The following USP40 variants were observed in gnomAD, a reference collection of about 807,000 sequenced individuals.
USP40 encodes ubiquitin specific peptidase 40.
USP40 carries 143 observed loss-of-function variants against 166.2 expected under a neutral mutation model. The observed-to-expected ratio is 0.86, with a 90% CI of 0.75 to 0.99. The LOEUF is 0.99. Ranked by LOEUF, USP40 falls within the 50% of genes least tolerant of loss-of-function variation. The probability of loss-of-function intolerance (pLI) is 0.00; values close to 1 mark genes in which losing one functional copy is unlikely to be tolerated. For missense variants in USP40, 1,444 were observed against 1,479.7 expected, an observed-to-expected ratio of 0.98 and a Z score of 0.40; for synonymous variants, 498 against 524.0, an observed-to-expected ratio of 0.95 and a Z score of 0.68.
At position 233,480,653 on chromosome 2, in the gene USP40, C is replaced by A. The variant is rs1353282737; in HGVS notation, c.3599+550G>T. 6.6e-6 allele frequency among the ~76,000 whole-genome samples: 1 copy of A among 152,188 alleles called. No homozygotes were observed. The highest frequency in any genetic ancestry group is 1.5e-5 in the Non-Finnish European group (1 of 68,038). ...GGGAGGAGGGAGAGAGGCAAGGAGT[C>A]CTGAGCAGAGGTAGAAGATGGCCTG... On this transcript the variant is annotated intron_variant, in intron 31 of 31. Transcript: ENST00000678225. This position sits in a 1 kb window ranked among gnomAD's most constrained non-coding sequence, Gnocchi z 4.5.
At chr2:233,528,322 C>A (rs535048850) in intron 12 of USP40, among the ~76,000 whole-genome samples, 5 of 152,298 alleles carry the variant, frequency 3.3e-5, no homozygotes, top group South Asian at 2.1e-4. Context: ...CCCGAGACCA[C>A]ATTATCCAGG....
chr2:233,546,548 T>C (rs1420805122), intron 8 of USP40: 6 of 152,202 alleles, frequency 3.9e-5, no homozygotes, highest in African/African-American at 1.2e-4. Flanking sequence ...GCACAGAGGC[T>C]GGGAGCACTT....
At chr2:233,532,890 C>T (rs2068652980) in intron 11 of USP40, among the ~76,000 whole-genome samples, 1 of 151,990 alleles carries the variant, frequency 6.6e-6, no homozygotes, top group Admixed American at 6.6e-5. Context: ...AATCATGCCA[C>T]TGCACTCCAG....
In USP40 at chr2:233,480,033, T is replaced by C. The variant is rs1201944330; in HGVS notation, c.3599+1170A>G. 1.3e-5 allele frequency among the ~76,000 whole-genome samples: 2 copies of C among 152,160 alleles called. No individual in the cohort carries two copies. Among genetic ancestry groups the C allele is most frequent in the Non-Finnish European group, 1.5e-5 (1 of 68,024 alleles). ...CCACTCACCACAAAGCAGCCAGTGA[T>C]CATGTCAACGCGTCCCCCTTCACAC... On this transcript the variant is annotated intron_variant, in intron 31 of 31. Transcript: ENST00000678225. The surrounding 1 kb of genome is among the most constrained non-coding windows in gnomAD (Gnocchi z 4.5).
intron 24 of USP40, among the ~76,000 whole-genome samples, chr2:233,494,915 CATATATATATATATATATAT>C (rs1169787200): frequency 8.8e-5 from 1 of 11,370 alleles, no homozygotes; most frequent in Non-Finnish European, 1.7e-4. Context: ...AGCAAAATGG[CATATATATATATATATATAT>C]ATATATATAT....
chr2:233,557,262 C>T (rs982431815), intron 4 of USP40, among the ~76,000 whole-genome samples: 1 of 152,164 alleles, frequency 6.6e-6, no homozygotes, highest in Non-Finnish European at 1.5e-5. Flanking sequence ...TCCTTTGACA[C>T]CCAGAATGTG....
rs1240772756 is a variant in USP40 at position 233,527,421 on chromosome 2, G to T, written c.1711C>A (p.Gln571Lys). The change falls in exon 13 of 32, where the codon CAG (glutamine) becomes AAG (lysine). Residue 571 changes from glutamine (Q) to lysine (K), a missense_variant. By Grantham distance (53) the Gln-to-Lys change is moderately conservative (BLOSUM62 1). Transcript: ENST00000678225. ...GGCGATATTACCTGAAATATTGACT[G>T]CCGGAGATCTCCTAAAGTTTTTCTT... ...DKRKTLGDLR[Q>K]SIFQLLEFWE... is the part of the protein sequence containing the mutation. The T allele has an allele frequency of 6.2e-7, 1 of 1,612,592 alleles. No homozygotes were observed. Among genetic ancestry groups the T allele is most frequent in the South Asian group, 1.1e-5 (1 of 90,850 alleles).
At chr2:233,494,552 C>T (rs2065542481) in intron 24 of USP40, among the ~76,000 whole-genome samples, 1 of 151,902 alleles carries the variant, frequency 6.6e-6, no homozygotes, top group Non-Finnish European at 1.5e-5. Context: ...AAACCATGAA[C>T]CAACTTCAAG....
At chr2:233,557,053 G>A in intron 4 of USP40, 34 bp from the exon 5 acceptor site, 1 of 1,560,676 alleles carries the variant, frequency 6.4e-7, no homozygotes, top group Non-Finnish European at 8.7e-7. Flanking sequence ...TGTAATTCCG[G>A]GCTTCAGATT....
At chr2:233,549,366 G>A in intron 7 of USP40, 137 bp from the exon 8 acceptor site, 1 of 615,672 alleles carries the variant, frequency 1.6e-6, no homozygotes, top group East Asian at 3.1e-5. Flanking sequence ...ATGAATTCAA[G>A]TAATTGGCTT....
intron 30 of USP40, among the ~76,000 whole-genome samples, chr2:233,485,092 G>C (rs1159658407): frequency 6.6e-6 from 1 of 152,124 alleles, no homozygotes; most frequent in Non-Finnish European, 1.5e-5. Context: ...TGAACACTGG[G>C]TTTTTAATAA....
rs746660682 is a variant in USP40, at chr2:233,540,751, G to A, written c.1081C>T (p.Pro361Ser). ...AGTTTCTGGCCCAGCTGATCAACAG[G>A]AATTAGATTATTCTCCTCCTTATGA... ...ILLEEENNLI[P>S]VDQLGQKLLK... The change falls in exon 10 of 32, where the codon CCT (proline) becomes TCT (serine). Residue 361 changes from proline (P) to serine (S), a missense_variant. Physicochemically the swap from Pro to Ser is moderately conservative, Grantham distance 74 (BLOSUM62 -1). Coordinates refer to ENST00000678225, the MANE Select transcript of USP40 (RefSeq NM_001365479.2). The A allele has an allele frequency of 2.5e-6, 4 of 1,612,948 alleles. No individual in the cohort carries two copies. The highest frequency in any genetic ancestry group is 3.4e-6 in the Non-Finnish European group (4 of 1,179,274).
In USP40 at chr2:233,537,296, G is replaced by A. The variant is rs374322158; in HGVS notation, c.1170+3366C>T. On this transcript the variant is annotated intron_variant, in intron 10 of 31. Transcript: ENST00000678225. ...GAAAGAGACTTGAGCATCTGCAGAT[G>A]TGGGTGTCATCTGGGGATTCTAGAA... is the stretch of plus-strand genomic sequence containing the variant. 2.4e-4 allele frequency among the ~76,000 whole-genome samples: 36 copies of A among 152,176 alleles called. 2 individuals are homozygous for A. Among genetic ancestry groups the A allele is most frequent in the Admixed American group, 1.8e-3 (28 of 15,280 alleles).
chr2:233,478,316 A>G (rs2064315283), intron 31 of USP40, among the ~76,000 whole-genome samples: 1 of 152,208 alleles, frequency 6.6e-6, no homozygotes, highest in African/African-American at 2.4e-5. Flanking sequence ...TGAGAGCCCC[A>G]GTGACTCTGC....
At chr2:233,499,532 G>C (rs1009990145) in intron 22 of USP40, among the ~76,000 whole-genome samples, 2 of 152,108 alleles carry the variant, frequency 1.3e-5, no homozygotes, top group Admixed American at 1.3e-4. Context: ...CCCAGTAATG[G>C]GATTGCTGGA....
intron 25 of USP40, among the ~76,000 whole-genome samples, chr2:233,492,480 T>C (rs2065411866): frequency 6.6e-6 from 1 of 152,256 alleles, no homozygotes; most frequent in Non-Finnish European, 1.5e-5. Context: ...TGATTAAACA[T>C]GCTTTTACAA....
chr2:233,477,313 C>CA lies in USP40; in HGVS notation c.*78dup. ...TTTGGGATTGGAGGCGCCAGGCAGC[C>CA]AGTCCCCATGCCCAGGAAACCCACG... On this transcript the variant is annotated 3_prime_UTR_variant, in exon 32 of 32. Transcript: ENST00000678225. The CA allele has an allele frequency of 7.4e-7, 1 of 1,343,940 alleles. No individual in the cohort carries two copies. The allele number at this position is 1,343,940 out of a possible 1,614,324, so 83.3% of individuals were successfully genotyped here. A position where few individuals can be genotyped will look rare whatever the true frequency, so the allele number is the denominator to read the frequency against.
intron 13 of USP40, among the ~76,000 whole-genome samples, chr2:233,526,058 T>C (rs2068003452): frequency 6.6e-6 from 1 of 152,128 alleles, no homozygotes; most frequent in South Asian, 2.1e-4. Flanking sequence ...CTTTGCTCTT[T>C]AAGTTTCTAG....
intron 2 of USP40, 150 bp from the exon 3 acceptor site, chr2:233,562,953 T>G (rs2071789653): frequency 2.1e-6 from 1 of 467,870 alleles, no homozygotes; most frequent in African/African-American, 2.0e-5. Flanking sequence ...ACACTTTACT[T>G]TCTTGTAACA....
Sources: gnomAD v4.1 joint callset for allele counts (sites outside exome capture counted in the v4.1 genomes callset) on GRCh38, gnomAD v4.1.1 for gene constraint, Gnocchi (gnomAD v3.1) non-coding constraint, MANE v1.5 for transcripts, NCBI Gene and HGNC (gene_info 2026-07-23, HGNC 2026-07-21) for gene names.